The following FUCA2 variants were observed in gnomAD, a reference collection of about 807,000 sequenced individuals.
The protein encoded by FUCA2 is plasma alpha-L-fucosidase.
In FUCA2, 41 loss-of-function variants were observed where a neutral mutation model predicts 52.6. That is an observed-to-expected ratio of 0.78 (90% CI 0.61 to 1.01). FUCA2 has a LOEUF of 1.01. FUCA2 is among the 50% of genes least tolerant of loss of function. The probability of loss-of-function intolerance (pLI) is 0.00; values close to 1 mark genes in which losing one functional copy is unlikely to be tolerated. For synonymous variants in FUCA2, 211 were observed against 217.3 expected (o/e 0.97, Z 0.26); for missense variants, 507 against 569.5 (o/e 0.89, Z 1.12).
In FUCA2 at chr6:143,500,882, A is replaced by G. The variant is rs2128421778; in HGVS notation, c.1154+1050T>C. On this transcript the variant is annotated intron_variant, in intron 5 of 6. Coordinates refer to ENST00000002165, the MANE Select transcript of FUCA2 (RefSeq NM_032020.5). The surrounding 1 kb of genome is among the most constrained non-coding windows in gnomAD (Gnocchi z 6.9). ...GGTGGGCATGATGAACCCTGGGGGA[A>G]GAAGGCTCCTATGGTGAGGAGGGAG... 6.6e-6 allele frequency among the ~76,000 whole-genome samples: 1 copy of G among 152,316 alleles called. No individual in the cohort carries two copies. Among genetic ancestry groups the G allele is most frequent in the African/African-American group, 2.4e-5 (1 of 41,580 alleles).
chr6:143,498,189 C>A (rs1780486199), intron 5 of FUCA2, among the ~76,000 whole-genome samples: 1 of 151,856 alleles, frequency 6.6e-6, no homozygotes, highest in Non-Finnish European at 1.5e-5. Flanking sequence ...AAGTGGATTT[C>A]ATTCATTTAT....
Position 143,501,869 on chromosome 6 carries a change from A to G in FUCA2, c.1154+63T>C. On this transcript the variant is annotated intron_variant, in intron 5 of 6. Coordinates refer to ENST00000002165, the MANE Select transcript of FUCA2 (RefSeq NM_032020.5). The surrounding 1 kb of genome is among the most constrained non-coding windows in gnomAD (Gnocchi z 6.1). ...CTCTTTTTATCCTACTCTTCTTTAT[A>G]TGTCTGATAAATTTTAAATCTCTTC... The G allele has an allele frequency of 2.1e-6, 3 of 1,406,724 alleles. No individual in the cohort carries two copies. The highest frequency in any genetic ancestry group is 2.9e-6 in the Non-Finnish European group (3 of 1,021,922). 87.1% of individuals were successfully genotyped at this position (1,406,724 alleles called of 1,614,324 possible).
rs1168567707 is a variant in FUCA2, at chr6:143,499,803, C to G, written c.1154+2129G>C. Among the ~76,000 whole-genome samples, 1 of 152,016 alleles carries G rather than the reference C, an allele frequency of 6.6e-6. No homozygotes were observed. On this transcript the variant is annotated intron_variant, in intron 5 of 6. Transcript: ENST00000002165. This position sits in a 1 kb window ranked among gnomAD's most constrained non-coding sequence, Gnocchi z 6.0. ...TGGAGTGTGGGGGTGGAAGCTCGAC[C>G]AGAGGGGGTTCAAGAGAAAAACTGT...
Position 143,501,900 on chromosome 6 carries a change from TA to T in FUCA2, c.1154+31del. On this transcript the variant is annotated intron_variant, in intron 5 of 6. Transcript: ENST00000002165. This position sits in a 1 kb window ranked among gnomAD's most constrained non-coding sequence, Gnocchi z 6.1. ...GATAAATTTTAAATCTCTTCCTTTA[TA>T]AAAGAGTACTTGGTAACAAGAATGA... 6.4e-7 allele frequency: 1 copy of T among 1,562,326 alleles called. No individual in the cohort carries two copies. The highest frequency in any genetic ancestry group is 8.7e-7 in the Non-Finnish European group (1 of 1,145,956).
At position 143,503,776 on chromosome 6, in the gene FUCA2, G is replaced by T; in HGVS notation, c.752+137C>A. ...GAGTAAATAGTGATATATCTAATAA[G>T]TATTATTTACAATGATTTTCTCCCC... On this transcript the variant is annotated intron_variant, in intron 3 of 6. Coordinates refer to ENST00000002165, the MANE Select transcript of FUCA2 (RefSeq NM_032020.5). The surrounding 1 kb of genome is among the most constrained non-coding windows in gnomAD (Gnocchi z 4.8). 1.5e-6 allele frequency: 1 copy of T among 650,252 alleles called. No individual in the cohort carries two copies. Among genetic ancestry groups the T allele is most frequent in the Non-Finnish European group, 2.6e-6 (1 of 384,862 alleles). The allele number at this position is 650,252 out of a possible 1,614,324, so 40.3% of individuals were successfully genotyped here.
chr6:143,507,715 G>T lies in FUCA2; in HGVS notation c.225-291C>A, dbSNP rs1314239503. On this transcript the variant is annotated intron_variant, in intron 1 of 6. Transcript: ENST00000002165. This position sits in a 1 kb window ranked among gnomAD's most constrained non-coding sequence, Gnocchi z 4.5. Reference sequence around the variant, plus strand: ...GACAGGGTCTCACTCTGTCACTCAGGTTGGAATGCAGTAATGGAATCATGG... The same window carrying T: ...GACAGGGTCTCACTCTGTCACTCAGTTTGGAATGCAGTAATGGAATCATGG... Among the ~76,000 whole-genome samples the T allele has an allele frequency of 1.3e-5, 2 of 152,024 alleles. No homozygotes were observed. Among genetic ancestry groups the T allele is most frequent in the Non-Finnish European group, 2.9e-5 (2 of 68,016 alleles).
chr6:143,495,608 T>A lies in FUCA2; in HGVS notation c.*99A>T, dbSNP rs1207681680. The stretch of plus-strand genomic sequence containing the variant: ...CTGAACTGCCAAAATAATTTTCTTA[T>A]CCAGTTTTACATTTGCTTTCTCCAT... On this transcript the variant is annotated 3_prime_UTR_variant, in exon 7 of 7. Transcript: ENST00000002165. The surrounding 1 kb of genome is among the most constrained non-coding windows in gnomAD (Gnocchi z 5.2). The A allele has an allele frequency of 8.1e-7, 1 of 1,236,926 alleles. No individual in the cohort carries two copies. The highest frequency in any genetic ancestry group is 1.1e-6 in the Non-Finnish European group (1 of 916,330). 76.6% of individuals were successfully genotyped at this position (1,236,926 alleles called of 1,614,324 possible). A position where few individuals can be genotyped will look rare whatever the true frequency, so the allele number is the denominator to read the frequency against.
intron 2 of FUCA2, chr6:143,506,911 G>C (rs1232564161): frequency 6.8e-6 from 2 of 293,800 alleles, no homozygotes; most frequent in South Asian, 8.4e-5. Flanking sequence ...GAAGGAAAGA[G>C]TGCAATTCCA....
At position 143,500,064 on chromosome 6, in the gene FUCA2, G is replaced by A. The variant is rs1178103699; in HGVS notation, c.1154+1868C>T. On this transcript the variant is annotated intron_variant, in intron 5 of 6. Coordinates refer to ENST00000002165, the MANE Select transcript of FUCA2 (RefSeq NM_032020.5). This position sits in a 1 kb window ranked among gnomAD's most constrained non-coding sequence, Gnocchi z 6.9. ...TGTGTCTGGGTGCGTGTGTGTGTGT[G>A]TGTGTTTCCATAGTTAACAGTTAGC... Among the ~76,000 whole-genome samples the A allele has an allele frequency of 6.6e-6, 1 of 152,120 alleles. No homozygotes were observed. The highest frequency in any genetic ancestry group is 1.5e-5 in the Non-Finnish European group (1 of 68,032).
rs9390096 is a variant in FUCA2 at position 143,503,835 on chromosome 6, A to G, written c.752+78T>C. On this transcript the variant is annotated intron_variant, in intron 3 of 6. Transcript: ENST00000002165. This position sits in a 1 kb window ranked among gnomAD's most constrained non-coding sequence, Gnocchi z 4.8. ...CCAATGACTTAAAATGAAATATTTC[A>G]AGAGGTGAAGGAATTAAAATGTTAG... 261,128 of 1,109,952 alleles carry G rather than the reference A, an allele frequency of 0.24. 32,022 individuals carry two copies. The highest frequency in any genetic ancestry group is 0.37 in the African/African-American group (23,435 of 63,774). The allele number at this position is 1,109,952 out of a possible 1,614,324, so 68.8% of individuals were successfully genotyped here.
Position 143,503,970 on chromosome 6 carries a change from C to T in FUCA2, c.695G>A (p.Gly232Glu). 1 of 1,614,142 alleles carries T rather than the reference C, an allele frequency of 6.2e-7. No individual in the cohort carries two copies. Among genetic ancestry groups the T allele is most frequent in the Non-Finnish European group, 8.5e-7 (1 of 1,180,024 alleles). Reference protein sequence around the residue: ...PEVLWSDGDGGAPDQYWNSTG... With the variant: ...PEVLWSDGDGEAPDQYWNSTG... ...GCTGTTCCAGTATTGATCCGGTGCT[C>T]CTCCGTCACCATCCGACCACAGAAC... Residue 232 changes from glycine to glutamate, a missense_variant, in exon 3 of 7, where the codon GGA (glycine) becomes GAA (glutamate). Transcript: ENST00000002165. This position sits in a 1 kb window ranked among gnomAD's most constrained non-coding sequence, Gnocchi z 4.8.
rs768512750 is a variant in FUCA2 at position 143,497,508 on chromosome 6, GA to G, written c.1155-12del. On this transcript the variant is annotated splice_polypyrimidine_tract_variant and intron_variant, in intron 5 of 6. Transcript: ENST00000002165. This position sits in a 1 kb window ranked among gnomAD's most constrained non-coding sequence, Gnocchi z 5.3. ...GGCTTGGATGTGTACCTGGTTAAAA[GA>G]AAAAAATAAAGAGCATAGTAGCAAG... 3.3e-6 allele frequency: 5 copies of G among 1,498,490 alleles called. No individual in the cohort carries two copies. The South Asian group carries it at 3.4e-5, about 10-fold the overall frequency. 92.8% of individuals were successfully genotyped at this position (1,498,490 alleles called of 1,614,324 possible). A position where few individuals can be genotyped will look rare whatever the true frequency, so the allele number is the denominator to read the frequency against.
rs374041066 is a variant in FUCA2, at chr6:143,502,144, T to C, written c.964-22A>G. 77 of 1,542,602 alleles carry C rather than the reference T, an allele frequency of 5.0e-5. No individual in the cohort carries two copies. The African/African-American group carries it at 6.0e-4, about 12-fold the overall frequency. Reference sequence around the variant, plus strand: ...GTTGCTAAAAAATTAAGAATAATGTTTTTAGATAAATAAAATAATTCCATC... The same window carrying C: ...GTTGCTAAAAAATTAAGAATAATGTCTTTAGATAAATAAAATAATTCCATC... On this transcript the variant is annotated intron_variant, in intron 4 of 6. Coordinates refer to ENST00000002165, the MANE Select transcript of FUCA2 (RefSeq NM_032020.5). The surrounding 1 kb of genome is among the most constrained non-coding windows in gnomAD (Gnocchi z 4.1).
rs779022066 is a variant in FUCA2, at chr6:143,507,283, C to A, written c.366G>T (p.Gln122His). Residue 122 changes from glutamine (Q) to histidine (H), a missense_variant, in exon 2 of 7, where the codon CAG becomes CAT. Physicochemically the swap from Gln to His is conservative, Grantham distance 24. Coordinates refer to ENST00000002165, the MANE Select transcript of FUCA2 (RefSeq NM_032020.5). The surrounding 1 kb of genome is among the most constrained non-coding windows in gnomAD (Gnocchi z 4.5). Reference protein sequence around the residue: ...FNANQWADIFQASGAKYIVLT... With the variant: ...FNANQWADIFHASGAKYIVLT... ...AGACAATGTATTTGGCACCAGAGGC[C>A]TGAAAAATATCTGCCCACTGGTTGG... The A allele has an allele frequency of 5.0e-6, 8 of 1,604,008 alleles. No individual in the cohort carries two copies. Among genetic ancestry groups the A allele is most frequent in the Non-Finnish European group, 6.8e-6 (8 of 1,176,542 alleles).
Position 143,499,028 on chromosome 6 carries a change from G to A in FUCA2, c.1155-1531C>T, listed in dbSNP as rs1316804272. ...TGGGCTTGACAACCACCTAAAGGAT[G>A]AAGCTGCCGTTAACTGAGATGGGAA... is the stretch of plus-strand genomic sequence containing the variant. On this transcript the variant is annotated intron_variant, in intron 5 of 6. Transcript: ENST00000002165. This position sits in a 1 kb window ranked among gnomAD's most constrained non-coding sequence, Gnocchi z 6.0. Among the ~76,000 whole-genome samples, 3 of 152,210 alleles carry A rather than the reference G, an allele frequency of 2.0e-5. No homozygotes were observed. Among genetic ancestry groups the A allele is most frequent in the South Asian group, 2.1e-4 (1 of 4,834 alleles).
rs1206081512 is a variant in FUCA2 at position 143,502,562 on chromosome 6, T to A, written c.756A>T (p.Pro252=). ...GFLAWLYNES[P]VRGTVVTNDR... ...CATTGGTGACTACTGTGCCCCGAAC[T>A]GGGCTGAAATGAAACATACAATTTT... The change falls in exon 4 of 7, where the codon CCA becomes CCT. Residue 252 remains proline, a synonymous_variant. Transcript: ENST00000002165. This position sits in a 1 kb window ranked among gnomAD's most constrained non-coding sequence, Gnocchi z 4.1. The A allele has an allele frequency of 2.5e-6, 4 of 1,608,666 alleles. No individual in the cohort carries two copies. The Admixed American group carries it at 6.8e-5, about 27-fold the overall frequency.
In FUCA2 at chr6:143,497,291, A is replaced by G. The variant is rs902735562; in HGVS notation, c.1263+98T>C. 3 of 781,524 alleles carry G rather than the reference A, an allele frequency of 3.8e-6. No homozygotes were observed. Among genetic ancestry groups the G allele is most frequent in the Non-Finnish European group, 6.7e-6 (3 of 448,024 alleles). 48.4% of individuals were successfully genotyped at this position (781,524 alleles called of 1,614,324 possible). A position where few individuals can be genotyped will look rare whatever the true frequency, so the allele number is the denominator to read the frequency against. On this transcript the variant is annotated intron_variant, in intron 6 of 6. Coordinates refer to ENST00000002165, the MANE Select transcript of FUCA2 (RefSeq NM_032020.5). This position sits in a 1 kb window ranked among gnomAD's most constrained non-coding sequence, Gnocchi z 5.3. ...TCATTTACAATTCCTTTTATGAAGT[A>G]TAAGTGAAACAGTTATAAGGCTCCC...
In FUCA2 at chr6:143,503,984, C is replaced by A. The variant is rs761590764; in HGVS notation, c.681G>T (p.Ser227=). ...VNNYQPEVLW[S]DGDGGAPDQY... ...GATCCGGTGCTCCTCCGTCACCATC[C>A]GACCACAGAACCTCAGGCTGATAGT... The change falls in exon 3 of 7, where the codon TCG becomes TCT. Residue 227 remains serine (S), a synonymous_variant. Coordinates refer to ENST00000002165, the MANE Select transcript of FUCA2 (RefSeq NM_032020.5). This position sits in a 1 kb window ranked among gnomAD's most constrained non-coding sequence, Gnocchi z 4.8. The A allele has an allele frequency of 6.6e-5, 106 of 1,614,010 alleles. No individual in the cohort carries two copies. Among genetic ancestry groups the A allele is most frequent in the Non-Finnish European group, 7.8e-5 (92 of 1,180,036 alleles).
In FUCA2 at chr6:143,511,706, C is replaced by T. The variant is rs1780688278; in HGVS notation, c.-72G>A. ...GGGAGCGCTGTTCTTCCGTCTCTGC[C>T]GCTGAGTATGCCGCGCCGCGGTCAC... On this transcript the variant is annotated 5_prime_UTR_variant, in exon 1 of 7. Transcript: ENST00000002165. This position sits in a 1 kb window ranked among gnomAD's most constrained non-coding sequence, Gnocchi z 6.3. 7.5e-7 allele frequency: 1 copy of T among 1,339,202 alleles called. No homozygotes were observed. The allele number at this position is 1,339,202 out of a possible 1,614,324, so 83.0% of individuals were successfully genotyped here. A position where few individuals can be genotyped will look rare whatever the true frequency, so the allele number is the denominator to read the frequency against.
Sources: allele counts gnomAD v4.1 joint callset (sites outside exome capture counted in the v4.1 genomes callset), GRCh38; gene constraint gnomAD v4.1.1; non-coding constraint Gnocchi (gnomAD v3.1); transcripts MANE v1.5; gene names NCBI Gene and HGNC (gene_info 2026-07-23, HGNC 2026-07-21).